STX8: variants seen among roughly 807,000 people sequenced by gnomAD.
The protein encoded by STX8 is syntaxin 8.
STX8 carries 23 observed loss-of-function variants against 37.5 expected under a neutral mutation model. That is an observed-to-expected ratio of 0.61 (90% CI 0.44 to 0.87). The LOEUF is 0.87. Among genes scored for constraint, STX8 ranks in the 40% least tolerant of loss-of-function variants. STX8 has a pLI of 0.00. For missense variants in STX8, 313 were observed against 284.7 expected (o/e 1.10, Z -0.71); for synonymous variants, 115 against 99.1 (o/e 1.16, Z -0.95).
Position 9,568,453 on chromosome 17 carries a change from G to A in STX8, c.35C>T (p.Ser12Phe). 1 of 1,612,628 alleles carries A rather than the reference G, an allele frequency of 6.2e-7. No individual in the cohort carries two copies. The highest frequency in any genetic ancestry group is 1.1e-5 in the South Asian group (1 of 90,976). ...APDPWFSTYD[S>F]TCQIAQEIAE... ...AATTTCTTGGGCAATTTGACAAGTA[G>A]AATCGTATGTGGAGAACCTGCACCA... The change falls in exon 2 of 8, where the codon TCT (serine) becomes TTT (phenylalanine). Residue 12 changes from serine to phenylalanine, a missense_variant. Transcript: ENST00000306357.
intron 6 of STX8, among the ~76,000 whole-genome samples, chr17:9,474,599 C>T (rs1161553495): frequency 6.6e-6 from 1 of 152,192 alleles, no homozygotes; most frequent in Non-Finnish European, 1.5e-5. Flanking sequence ...GGGCTTGATC[C>T]CACAAGACTG....
intron 6 of STX8, among the ~76,000 whole-genome samples, chr17:9,382,166 A>AAC (rs1178636933): frequency 7.2e-6 from 1 of 138,450 alleles, no homozygotes; most frequent in African/African-American, 3.2e-5. Context: ...AAACCAAGAA[A>AAC]ACACTCACAC....
intron 6 of STX8, among the ~76,000 whole-genome samples, chr17:9,489,588 G>C (rs967602896): frequency 6.6e-6 from 1 of 152,056 alleles, no homozygotes; most frequent in African/African-American, 2.4e-5. Flanking sequence ...TCAGTTTGGT[G>C]GCTAGAGTCC....
At chr17:9,287,919 T>C (rs1453674494) in intron 7 of STX8, among the ~76,000 whole-genome samples, 2 of 151,530 alleles carry the variant, frequency 1.3e-5, no homozygotes, top group African/African-American at 4.9e-5. Context: ...CCCAGCTAAT[T>C]TGGTATTTTT....
intron 7 of STX8, among the ~76,000 whole-genome samples, chr17:9,363,071 A>T (rs61700312): frequency 0.19 from 28,849 of 152,072 alleles, 2,893 homozygotes; most frequent in Non-Finnish European, 0.22. Flanking sequence ...ATTTAGTGTG[A>T]GTGCACGTGT....
intron 4 of STX8, among the ~76,000 whole-genome samples, chr17:9,535,424 C>CCTTTTTTTTT (rs1905992804): frequency 1.4e-4 from 7 of 51,562 alleles, no homozygotes; most frequent in African/African-American, 5.1e-4. Flanking sequence ...AGCCATCCTA[C>CCTTTTTTTTT]TTTTTTTTTT....
In STX8 at chr17:9,511,222, A is replaced by G. The variant is rs534809503; in HGVS notation, c.324-6060T>C. ...ACCAATTCTTCTCAAACTATTCCAA[A>G]AAATTGAAGTGAGGGTATTCTACCT... On this transcript the variant is annotated intron_variant, in intron 4 of 7. Transcript: ENST00000306357. 2.0e-5 allele frequency among the ~76,000 whole-genome samples: 3 copies of G among 149,398 alleles called. No homozygotes were observed. The South Asian group carries it at 6.2e-4, about 31-fold the overall frequency.
chr17:9,519,041 T>A (rs62066223), intron 4 of STX8, among the ~76,000 whole-genome samples: 1 of 150,974 alleles, frequency 6.6e-6, no homozygotes, highest in South Asian at 2.1e-4. Flanking sequence ...ATCTGGAGGG[T>A]TTGGGGGGAG....
At chr17:9,434,043 GCCTAGGCTGGAGT>G (rs1346694802) in intron 6 of STX8, among the ~76,000 whole-genome samples, 1 of 151,794 alleles carries the variant, frequency 6.6e-6, no homozygotes, top group Non-Finnish European at 1.5e-5. Flanking sequence ...TCACTCTATC[GCCTAGGCTGGAGT>G]GCACTGGCGC....
At chr17:9,379,953 G>C (rs1452130719) in intron 6 of STX8, among the ~76,000 whole-genome samples, 9 of 148,118 alleles carry the variant, frequency 6.1e-5, no homozygotes, top group Non-Finnish European at 5.9e-5. Context: ...GGGCGACAGA[G>C]AGAGACTCTG....
intron 6 of STX8, among the ~76,000 whole-genome samples, chr17:9,463,258 A>T (rs118174584): frequency 0.015 from 2,355 of 152,258 alleles, 24 homozygotes; most frequent in South Asian, 0.039. Context: ...GCTCACAGGG[A>T]CACTATGAGT....
intron 7 of STX8, among the ~76,000 whole-genome samples, chr17:9,375,490 G>A (rs1597632270): frequency 6.6e-6 from 1 of 152,188 alleles, no homozygotes; most frequent in South Asian, 2.1e-4. Context: ...TTGCCAACAT[G>A]TCTATGAATA....
chr17:9,457,659 A>G (rs571166804), intron 6 of STX8, among the ~76,000 whole-genome samples: 20 of 152,384 alleles, frequency 1.3e-4, no homozygotes, highest in Non-Finnish European at 2.1e-4. Flanking sequence ...TCCAGCCTCA[A>G]TGAGGGCTTT....
chr17:9,369,354 T>C (rs566187407), intron 7 of STX8, among the ~76,000 whole-genome samples: 1 of 152,256 alleles, frequency 6.6e-6, no homozygotes, highest in Non-Finnish European at 1.5e-5. Flanking sequence ...CAATGAACCA[T>C]GATAAGGGAA....
At chr17:9,348,739 A>C (rs73270048) in intron 7 of STX8, among the ~76,000 whole-genome samples, 3 of 152,134 alleles carry the variant, frequency 2.0e-5, no homozygotes, top group Non-Finnish European at 4.4e-5. Context: ...TCAGGATGTA[A>C]ATCTAAACTG....
intron 4 of STX8, among the ~76,000 whole-genome samples, chr17:9,539,253 AG>A (rs1370539271): frequency 2.6e-3 from 1 of 388 alleles, no homozygotes; most frequent in East Asian, 0.071. Flanking sequence ...CATATGAGGA[AG>A]AAGAGAAAAG....
chr17:9,543,477 T>C (rs1906369868), intron 4 of STX8, among the ~76,000 whole-genome samples: 1 of 152,074 alleles, frequency 6.6e-6, no homozygotes. Flanking sequence ...TTGTTGTTGT[T>C]GTATTTTAGT....
chr17:9,368,574 C>T (rs1911304002), intron 7 of STX8, among the ~76,000 whole-genome samples: 1 of 152,216 alleles, frequency 6.6e-6, no homozygotes, highest in Admixed American at 6.5e-5. Flanking sequence ...GCCATTCCCA[C>T]ATCACCAATG....
rs369055864 is a variant in STX8, at chr17:9,428,340, A to G, written c.542-49687T>C. Among the ~76,000 whole-genome samples, 31 of 152,290 alleles carry G rather than the reference A, an allele frequency of 2.0e-4. No individual in the cohort carries two copies. The South Asian group carries it at 4.8e-3, about 23-fold the overall frequency. Reference sequence around the variant, plus strand: ...ACTGCAAGCTCCGCCTCCCGGGTTCATGCCATTCTCCTGCCTCAGCCTCCC... The same window carrying G: ...ACTGCAAGCTCCGCCTCCCGGGTTCGTGCCATTCTCCTGCCTCAGCCTCCC... On this transcript the variant is annotated intron_variant, in intron 6 of 7. Coordinates refer to ENST00000306357, the MANE Select transcript of STX8 (RefSeq NM_004853.3).
Sources: gnomAD v4.1 joint callset for allele counts (sites outside exome capture counted in the v4.1 genomes callset) on GRCh38, gnomAD v4.1.1 for gene constraint, MANE v1.5 for transcripts, NCBI Gene and HGNC (gene_info 2026-07-23, HGNC 2026-07-21) for gene names.